DYNC2H1: variants seen among roughly 807,000 people sequenced by gnomAD.
DYNC2H1 encodes the protein cytoplasmic dynein 2 heavy chain 1.
Under a neutral mutation model 570.0 loss-of-function variants are expected in DYNC2H1, and 410 were observed. The observed-to-expected ratio is 0.72, with a 90% CI of 0.66 to 0.78. DYNC2H1 has a LOEUF of 0.78. Ranked by LOEUF, DYNC2H1 falls within the 30% of genes least tolerant of loss-of-function variation. The pLI is 0.00. For synonymous variants in DYNC2H1, 1,688 were observed against 1,677.6 expected (o/e 1.01, Z -0.15); for missense variants, 4,865 against 5,046.4 (o/e 0.96, Z 1.09).
chr11:103,414,284 TACAAATTCAACAACTTAGGTGAAATAC>T (rs1427083190), intron 84 of DYNC2H1, among the ~76,000 whole-genome samples: 1 of 152,168 alleles, frequency 6.6e-6, no homozygotes, highest in East Asian at 1.9e-4. Context: ...ATTTTATGCC[TACAAATTCAACAACTTAGGTGAAATAC>T]ACAAATTCCT....
chr11:103,124,274 C>T (rs1203402702), intron 11 of DYNC2H1, among the ~76,000 whole-genome samples: 1 of 151,736 alleles, frequency 6.6e-6, no homozygotes, highest in African/African-American at 2.4e-5. Flanking sequence ...TGGCGAAATC[C>T]TGTCTCTACA....
intron 24 of DYNC2H1, 70 bp from the exon 25 acceptor site, chr11:103,155,258 ATAC>A (rs981675434): frequency 1.9e-4 from 271 of 1,398,952 alleles, no homozygotes; most frequent in Non-Finnish European, 2.5e-4. Context: ...ATAAAAGTAA[ATAC>A]TAATTTGCAT....
intron 82 of DYNC2H1, among the ~76,000 whole-genome samples, chr11:103,332,312 G>GAAAAAAAAAAAAAAAAAAAAAAAAAAAGA (rs71962098): frequency 8.2e-6 from 1 of 122,544 alleles, no homozygotes; most frequent in Non-Finnish European, 1.7e-5. Context: ...AAAAAACTGG[G>GAAAAAAAAAAAAAAAAAAAAAAAAAAAGA]AAAAAAAAAA....
At chr11:103,340,688 G>GA (rs1939400855) in intron 82 of DYNC2H1, among the ~76,000 whole-genome samples, 1 of 152,138 alleles carries the variant, frequency 6.6e-6, no homozygotes, top group African/African-American at 2.4e-5. Context: ...CTGGATATCT[G>GA]AAACTCATGG....
Position 103,171,066 on chromosome 11 carries a change from G to A in DYNC2H1, c.5332G>A (p.Glu1778Lys). ...HRTVCELLGK[E>K]VEVNSNSGIF... ...AACTGTATGTGAACTGCTTGGCAAG[G>A]AGGTATAGAATATGTTGGGAATTTA... is the stretch of plus-strand genomic sequence containing the variant. Residue 1778 changes from glutamate (E) to lysine (K), a missense_variant and splice_region_variant, in exon 34 of 89, where the codon GAG (glutamate) becomes AAG (lysine). By Grantham distance (56) the Glu-to-Lys change is moderately conservative. This residue lies in a region of DYNC2H1 where 292 missense variants were observed against 300.2 expected (regional missense o/e 0.97). Coordinates refer to ENST00000375735, the MANE Select transcript of DYNC2H1 (RefSeq NM_001377.3). 6.3e-7 allele frequency: 1 copy of A among 1,586,634 alleles called. No homozygotes were observed. Among genetic ancestry groups the A allele is most frequent in the Non-Finnish European group, 8.6e-7 (1 of 1,162,966 alleles).
In DYNC2H1 at chr11:103,163,498, G is replaced by A. The variant is rs1316864773; in HGVS notation, c.4611+351G>A. ...CCCATGGGATCATCTAAGCATTGGA[G>A]CTGGCAGGAACTTAGCAGGTATTAG... On this transcript the variant is annotated intron_variant, in intron 30 of 88. Transcript: ENST00000375735. This position sits in a 1 kb window ranked among gnomAD's most constrained non-coding sequence, Gnocchi z 4.6. Among the ~76,000 whole-genome samples the A allele has an allele frequency of 1.3e-5, 2 of 152,138 alleles. No individual in the cohort carries two copies. Among genetic ancestry groups the A allele is most frequent in the East Asian group, 3.8e-4 (2 of 5,200 alleles).
chr11:103,437,709 T>C lies in DYNC2H1; in HGVS notation c.12456+1677T>C, dbSNP rs928330662. Among the ~76,000 whole-genome samples, 15 of 152,152 alleles carry C rather than the reference T, an allele frequency of 9.9e-5. 2 individuals are homozygous for C. The highest frequency in any genetic ancestry group is 9.2e-4 in the Admixed American group (14 of 15,256). Reference sequence around the variant, plus strand: ...AGTATAGAAATGCTCTGAAGTTTGTTGTATAATTGCATGGCTGTGATAATT... The same window carrying C: ...AGTATAGAAATGCTCTGAAGTTTGTCGTATAATTGCATGGCTGTGATAATT... On this transcript the variant is annotated intron_variant, in intron 85 of 88. Transcript: ENST00000375735.
chr11:103,178,376 T>C (rs929487335), intron 38 of DYNC2H1, among the ~76,000 whole-genome samples: 3 of 152,056 alleles, frequency 2.0e-5, no homozygotes, highest in African/African-American at 4.8e-5. Flanking sequence ...AGTGAAAGCA[T>C]TGGAAGGGAT....
rs1348643628 is a variant in DYNC2H1, at chr11:103,252,499, C to G, written c.10043-786C>G. ...AATTCCCTTTTCTCCGTATCTTCAT[C>G]AACATTTGTTATCTCTTGTCTTTTT... On this transcript the variant is annotated intron_variant, in intron 65 of 88. Transcript: ENST00000375735. This position sits in a 1 kb window ranked among gnomAD's most constrained non-coding sequence, Gnocchi z 4.6. 2.0e-5 allele frequency among the ~76,000 whole-genome samples: 3 copies of G among 152,142 alleles called. No homozygotes were observed. The highest frequency in any genetic ancestry group is 4.4e-5 in the Non-Finnish European group (3 of 68,026).
intron 79 of DYNC2H1, among the ~76,000 whole-genome samples, chr11:103,313,646 T>A (rs1867694592): frequency 6.6e-6 from 1 of 152,210 alleles, no homozygotes; most frequent in Non-Finnish European, 1.5e-5. Context: ...TAAACTGTTT[T>A]AACCCCCAAA....
rs1385842377 is a variant in DYNC2H1, at chr11:103,479,603, A to G, written c.*350A>G. ...GCTGTCATTTGTGTCATAATTATTT[A>G]ATAAAAGAGCATTCATAATTTTTGC... On this transcript the variant is annotated 3_prime_UTR_variant, in exon 89 of 89. Transcript: ENST00000375735. 6.1e-6 allele frequency: 1 copy of G among 163,828 alleles called. No homozygotes were observed. Among genetic ancestry groups the G allele is most frequent in the Non-Finnish European group, 1.3e-5 (1 of 75,808 alleles). The allele number at this position is 163,828 out of a possible 1,614,324, so 10.1% of individuals were successfully genotyped here. A position where few individuals can be genotyped will look rare whatever the true frequency, so the allele number is the denominator to read the frequency against.
At chr11:103,300,937 T>A (rs11225667) in intron 75 of DYNC2H1, among the ~76,000 whole-genome samples, 26,054 of 151,614 alleles carry the variant, frequency 0.17, 2,431 homozygotes, top group Admixed American at 0.26. Flanking sequence ...TTATATATAT[T>A]TTGACATTTT....
rs533249388 is a variant in DYNC2H1 at position 103,412,029 on chromosome 11, CTA to C, written c.12366+12158_12366+12159del. The stretch of plus-strand genomic sequence containing the variant: ...GCTGTTTGATGAAATGCAAATGAGA[CTA>C]GTCTGACTTTCACTAAGATCAGATC... On this transcript the variant is annotated intron_variant, in intron 84 of 88. Coordinates refer to ENST00000375735, the MANE Select transcript of DYNC2H1 (RefSeq NM_001377.3). 3.5e-4 allele frequency among the ~76,000 whole-genome samples: 53 copies of C among 152,252 alleles called. No individual in the cohort carries two copies. The South Asian group carries it at 0.011, about 31-fold the overall frequency.
chr11:103,253,698 T>C (rs1191008766), intron 66 of DYNC2H1, among the ~76,000 whole-genome samples: 2 of 152,212 alleles, frequency 1.3e-5, no homozygotes, highest in African/African-American at 4.8e-5. Flanking sequence ...AGTTTATTTC[T>C]GTTATATGTG....
At chr11:103,386,605 T>G (rs1383157172) in intron 83 of DYNC2H1, among the ~76,000 whole-genome samples, 2 of 152,098 alleles carry the variant, frequency 1.3e-5, no homozygotes, top group African/African-American at 2.4e-5. Context: ...ACCCATTAAC[T>G]CATCATGTAA....
chr11:103,418,230 C>T (rs1291938921), intron 84 of DYNC2H1, among the ~76,000 whole-genome samples: 1 of 151,980 alleles, frequency 6.6e-6, no homozygotes, highest in Non-Finnish European at 1.5e-5. Flanking sequence ...AAGAAGGAAG[C>T]CTGCCTTTAT....
At chr11:103,247,492 C>G (rs1864663578) in intron 65 of DYNC2H1, among the ~76,000 whole-genome samples, 1 of 152,046 alleles carries the variant, frequency 6.6e-6, no homozygotes, top group Non-Finnish European at 1.5e-5. Flanking sequence ...CACTGTTCTT[C>G]TATTAGGAGC....
intron 82 of DYNC2H1, among the ~76,000 whole-genome samples, chr11:103,333,724 AT>A (rs1430624742): frequency 6.6e-6 from 1 of 152,214 alleles, no homozygotes; most frequent in Non-Finnish European, 1.5e-5. Context: ...CTAAGGATAT[AT>A]TTTAATTCTA....
chr11:103,338,202 G>A (rs1439684397), intron 82 of DYNC2H1, among the ~76,000 whole-genome samples: 3 of 151,938 alleles, frequency 2.0e-5, no homozygotes, highest in African/African-American at 2.4e-5. Context: ...ATTTATAGTC[G>A]GGTTCCTTGT....
Sources: allele counts gnomAD v4.1 joint callset (sites outside exome capture counted in the v4.1 genomes callset), GRCh38; gene constraint gnomAD v4.1.1; regional missense constraint gnomAD v4.1.1; non-coding constraint Gnocchi (gnomAD v3.1); transcripts MANE v1.5; gene names NCBI Gene and HGNC (gene_info 2026-07-23, HGNC 2026-07-21).